The following PTK2 variants were observed in gnomAD, a reference collection of about 807,000 sequenced individuals.
The protein encoded by PTK2 is focal adhesion kinase 1.
PTK2 carries 45 observed loss-of-function variants against 150.1 expected under a neutral mutation model. That is an observed-to-expected ratio of 0.30 (90% CI 0.24 to 0.38). PTK2 has a LOEUF of 0.38. Ranked by LOEUF, PTK2 falls within the 10% of genes least tolerant of loss-of-function variation. PTK2 has a pLI of 1.00. For synonymous variants in PTK2, 432 were observed against 449.2 expected (o/e 0.96, Z 0.48); for missense variants, 919 against 1,307.3 (o/e 0.70, Z 4.58).
chr8:140,675,397 A>G (rs1320647016), intron 28 of PTK2, 63 bp downstream of exon 31: 2 of 1,555,118 alleles, frequency 1.3e-6, no homozygotes, highest in East Asian at 4.5e-5. Context: ...CACTATATAC[A>G]TTCAAAACCT....
At chr8:140,795,669 C>G (rs1226126876) in intron 12 of PTK2, among the ~76,000 whole-genome samples, 1 of 152,150 alleles carries the variant, frequency 6.6e-6, no homozygotes, top group Non-Finnish European at 1.5e-5. Context: ...CATGCACAAC[C>G]CTGTCTGTTT....
intron 1 of PTK2, among the ~76,000 whole-genome samples, chr8:140,957,425 T>G (rs939137157): frequency 6.6e-6 from 1 of 152,210 alleles, no homozygotes; most frequent in African/African-American, 2.4e-5. Flanking sequence ...AAAATAGTCA[T>G]AAGTTTAAAA....
chr8:140,817,378 T>C (rs945379829), intron 10 of PTK2, among the ~76,000 whole-genome samples: 2 of 152,094 alleles, frequency 1.3e-5, no homozygotes, highest in Non-Finnish European at 2.9e-5. Flanking sequence ...CATTTATATA[T>C]GTATAGGAAA....
intron 1 of PTK2, among the ~76,000 whole-genome samples, chr8:140,989,857 G>A (rs1201786287): frequency 2.0e-5 from 3 of 150,048 alleles, no homozygotes; most frequent in East Asian, 3.9e-4. Context: ...GCGGTGAGCC[G>A]AGGTTGCACC....
At chr8:140,948,108 C>T (rs960441439) in intron 1 of PTK2, among the ~76,000 whole-genome samples, 2 of 152,106 alleles carry the variant, frequency 1.3e-5, no homozygotes, top group African/African-American at 4.8e-5. Flanking sequence ...TCCCTATACA[C>T]TTACAGACAA....
chr8:140,965,954 CTT>C (rs2100185105), intron 1 of PTK2, among the ~76,000 whole-genome samples: 2 of 152,240 alleles, frequency 1.3e-5, no homozygotes, highest in Non-Finnish European at 2.9e-5. Context: ...AGGTAAACAA[CTT>C]AAGCACTATT....
At chr8:140,944,751 A>C (rs1020035157) in intron 1 of PTK2, among the ~76,000 whole-genome samples, 1 of 152,258 alleles carries the variant, frequency 6.6e-6, no homozygotes, top group African/African-American at 2.4e-5. Context: ...CCCACTGAAC[A>C]TAACGGCCTG....
intron 1 of PTK2, among the ~76,000 whole-genome samples, chr8:140,931,868 G>A (rs1411133386): frequency 1.4e-5 from 2 of 147,600 alleles, no homozygotes; most frequent in Non-Finnish European, 3.0e-5. Flanking sequence ...AGAAGGTGGA[G>A]GCTATAATGA....
At chr8:140,858,948 T>A (rs554934324) in intron 5 of PTK2, among the ~76,000 whole-genome samples, 5 of 152,324 alleles carry the variant, frequency 3.3e-5, no homozygotes, top group African/African-American at 1.2e-4. Context: ...AATTATTAAA[T>A]CCACGGATGA....
chr8:140,890,752 C>T lies in PTK2; in HGVS notation c.-15G>A, dbSNP rs1484811329. 1.9e-6 allele frequency: 3 copies of T among 1,614,008 alleles called. No homozygotes were observed. Among genetic ancestry groups the T allele is most frequent in the Non-Finnish European group, 2.5e-6 (3 of 1,179,942 alleles). On this transcript the variant is annotated 5_prime_UTR_variant, in exon 3 of 32. It removes the in-frame stop codon of an upstream open reading frame in the 5' UTR. Transcript: ENST00000522684. The stretch of plus-strand genomic sequence containing the variant: ...GCAGCTGCCATTATTTTGCTAGATG[C>T]TAGGTATCTGTCATATTCTGTTAAA...
chr8:140,674,913 G>GA (rs927128233), intron 28 of PTK2, among the ~76,000 whole-genome samples: 119 of 144,528 alleles, frequency 8.2e-4, no homozygotes, highest in African/African-American at 2.5e-3. Flanking sequence ...GAAAAGAAAA[G>GA]AAAAAAAAAT....
chr8:140,759,551 A>AAAG (rs1554920190), intron 16 of PTK2, among the ~76,000 whole-genome samples: 18 of 150,572 alleles, frequency 1.2e-4, no homozygotes, highest in East Asian at 9.8e-4. Context: ...AAAAAAAAAA[A>AAAG]AAAGAAAGAA....
chr8:140,994,492 T>C (rs1170615960), intron 1 of PTK2, among the ~76,000 whole-genome samples: 1 of 152,168 alleles, frequency 6.6e-6, no homozygotes, highest in Admixed American at 6.5e-5. Context: ...ATTACATCTG[T>C]TGTGGTGATC....
At chr8:140,918,831 G>C (rs74608939) in intron 2 of PTK2, among the ~76,000 whole-genome samples, 2,989 of 152,206 alleles carry the variant, frequency 0.02, 103 homozygotes, top group African/African-American at 0.067. Context: ...ATATTCTTTG[G>C]ATTTGAGCTT....
At chr8:140,876,646 A>G (rs146987649) in intron 4 of PTK2, among the ~76,000 whole-genome samples, 1 of 151,832 alleles carries the variant, frequency 6.6e-6, no homozygotes, top group Non-Finnish European at 1.5e-5. Flanking sequence ...TTTTTATTCT[A>G]TTCTTCTTGA....
chr8:140,940,853 T>G (rs1476118599), intron 1 of PTK2, among the ~76,000 whole-genome samples: 2 of 151,916 alleles, frequency 1.3e-5, no homozygotes, highest in East Asian at 3.9e-4. Context: ...GGTGAGTACC[T>G]GCGCTACTTG....
At chr8:140,808,733 G>GTTT (rs57600032) in intron 10 of PTK2, among the ~76,000 whole-genome samples, 2,315 of 116,546 alleles carry the variant, frequency 0.02, 185 homozygotes, top group African/African-American at 0.074. Context: ...TTTTGTTCTT[G>GTTT]TTTTTTTTTT....
intron 7 of PTK2, among the ~76,000 whole-genome samples, chr8:140,845,191 C>G (rs921270800): frequency 1.3e-5 from 2 of 152,040 alleles, no homozygotes; most frequent in African/African-American, 4.8e-5. Flanking sequence ...TTCTAAATTG[C>G]GAATCTCATC....
chr8:140,990,569 C>T (rs1321647451), intron 1 of PTK2, among the ~76,000 whole-genome samples: 1 of 152,106 alleles, frequency 6.6e-6, no homozygotes, highest in East Asian at 1.9e-4. Context: ...AGAAATTGTT[C>T]CAGGTCGATT....
Sources: gnomAD v4.1 joint callset for allele counts (sites outside exome capture counted in the v4.1 genomes callset) on GRCh38, gnomAD v4.1.1 for gene constraint, MANE v1.5 for transcripts, NCBI Gene and HGNC (gene_info 2026-07-23, HGNC 2026-07-21) for gene names.